Variants in ADAM12 observed in about 807,000 individuals in gnomAD.
ADAM12 encodes disintegrin and metalloproteinase domain-containing protein 12.
In ADAM12, 70 loss-of-function variants were observed where a neutral mutation model predicts 106.4. That is an observed-to-expected ratio of 0.66 (90% CI 0.54 to 0.80). ADAM12 has a LOEUF of 0.80. Among genes scored for constraint, ADAM12 ranks in the 30% least tolerant of loss-of-function variants. ADAM12 has a pLI of 0.00. For missense variants in ADAM12, 1,010 were observed against 1,171.9 expected (o/e 0.86, Z 2.02); for synonymous variants, 420 against 433.5 (o/e 0.97, Z 0.39).
intron 2 of ADAM12, among the ~76,000 whole-genome samples, chr10:126,288,773 T>C (rs1275703880): frequency 6.7e-6 from 1 of 150,250 alleles, no homozygotes; most frequent in Non-Finnish European, 1.5e-5. Context: ...GACAGGACTA[T>C]GTGGTGGTAC....
At chr10:126,331,718 A>C (rs1450276590) in intron 1 of ADAM12, among the ~76,000 whole-genome samples, 1 of 152,094 alleles carries the variant, frequency 6.6e-6, no homozygotes. Context: ...CCTCGACCGC[A>C]TGGGGAAGGA....
chr10:126,130,638 C>T (rs923075812), intron 5 of ADAM12, among the ~76,000 whole-genome samples: 1 of 152,216 alleles, frequency 6.6e-6, no homozygotes, highest in Non-Finnish European at 1.5e-5. Context: ...TCGTCACCAC[C>T]ATGCGGAAGG....
intron 1 of ADAM12, among the ~76,000 whole-genome samples, chr10:126,385,922 A>G (rs1368330361): frequency 6.6e-6 from 1 of 152,208 alleles, no homozygotes; most frequent in Non-Finnish European, 1.5e-5. Context: ...TATACCATGC[A>G]GGGATAAGGT....
intron 2 of ADAM12, among the ~76,000 whole-genome samples, chr10:126,325,457 T>TA (rs1027246847): frequency 2.3e-4 from 35 of 152,302 alleles, no homozygotes; most frequent in Non-Finnish European, 4.4e-4. Flanking sequence ...TTCTCAGCTG[T>TA]AAAAAAAGGC....
intron 2 of ADAM12, among the ~76,000 whole-genome samples, chr10:126,283,613 T>C (rs977513330): frequency 1.3e-5 from 2 of 152,190 alleles, no homozygotes; most frequent in African/African-American, 4.8e-5. Flanking sequence ...TCCTGTGAAA[T>C]ACTTGCTCAT....
At chr10:126,334,419 T>A (rs1424014710) in intron 1 of ADAM12, among the ~76,000 whole-genome samples, 1 of 152,160 alleles carries the variant, frequency 6.6e-6, no homozygotes, top group East Asian at 1.9e-4. Flanking sequence ...TTTGATAAAA[T>A]GGCCAGTTTG....
intron 4 of ADAM12, among the ~76,000 whole-genome samples, chr10:126,139,231 C>A (rs2886678): frequency 0.5 from 75,793 of 151,860 alleles, 19,380 homozygotes; most frequent in Non-Finnish European, 0.57. Context: ...TCTTTTAATA[C>A]GGTCATTTTT....
intron 1 of ADAM12, among the ~76,000 whole-genome samples, chr10:126,361,661 A>C (rs1564755629): frequency 6.6e-6 from 1 of 152,232 alleles, no homozygotes; most frequent in Non-Finnish European, 1.5e-5. Flanking sequence ...ATTTTTGACA[A>C]AGGTGCCAAG....
At chr10:126,126,811 C>T (rs1471804994) in intron 5 of ADAM12, among the ~76,000 whole-genome samples, 1 of 151,966 alleles carries the variant, frequency 6.6e-6, no homozygotes, top group Admixed American at 6.6e-5. Context: ...TGGGTGGATA[C>T]AATAGGTTAC....
rs986691937 is a variant in ADAM12, at chr10:126,338,292, G to C, written c.89-7783C>G. ...TTTTGAGACGGAGTCTCGCTCTGTC[G>C]CCCAGGCTGGAGTGCAGTGGCGGGA... On this transcript the variant is annotated intron_variant, in intron 1 of 22. Transcript: ENST00000448723. 6.7e-5 allele frequency among the ~76,000 whole-genome samples: 8 copies of C among 118,880 alleles called. No individual in the cohort carries two copies. In the East Asian group the frequency reaches 2.0e-3, roughly 30 times the overall value. 78.0% of individuals were successfully genotyped at this position (118,880 alleles called of 152,430 possible).
Position 126,049,462 on chromosome 10 carries a change from A to G in ADAM12, c.1719-11T>C. 1 of 1,614,154 alleles carries G rather than the reference A, an allele frequency of 6.2e-7. No homozygotes were observed. The highest frequency in any genetic ancestry group is 1.1e-5 in the South Asian group (1 of 91,084). Reference sequence around the variant, plus strand: ...CCACATTTAGCATCTCTGGAAGGGTAAGAACAAACAATTCCCAAGGAGAAA... The same window carrying G: ...CCACATTTAGCATCTCTGGAAGGGTGAGAACAAACAATTCCCAAGGAGAAA... On this transcript the variant is annotated splice_polypyrimidine_tract_variant and intron_variant, in intron 15 of 22. Coordinates refer to ENST00000448723, the MANE Select transcript of ADAM12 (RefSeq NM_001288973.2). This position sits in a 1 kb window ranked among gnomAD's most constrained non-coding sequence, Gnocchi z 4.4.
intron 11 of ADAM12, among the ~76,000 whole-genome samples, chr10:126,088,547 C>CAA (rs5788764): frequency 0.12 from 17,455 of 144,932 alleles, 1,659 homozygotes; most frequent in African/African-American, 0.25. Context: ...TTAAATATAC[C>CAA]AAAAAAAAAA....
At chr10:126,136,891 C>G (rs1956415255) in intron 4 of ADAM12, among the ~76,000 whole-genome samples, 1 of 152,070 alleles carries the variant, frequency 6.6e-6, no homozygotes, top group Non-Finnish European at 1.5e-5. Flanking sequence ...AATACTCTGC[C>G]TGTTATTACA....
chr10:126,039,963 T>C (rs1192488674), intron 18 of ADAM12, among the ~76,000 whole-genome samples: 1 of 152,260 alleles, frequency 6.6e-6, no homozygotes, highest in East Asian at 1.9e-4. Context: ...AGAAAACTCA[T>C]TTAAATGAAA....
At chr10:126,378,186 C>T (rs779610165) in intron 1 of ADAM12, among the ~76,000 whole-genome samples, 1 of 152,170 alleles carries the variant, frequency 6.6e-6, no homozygotes, top group Non-Finnish European at 1.5e-5. Context: ...AACCAGAGCT[C>T]TCCAATAAGT....
chr10:126,197,386 C>A (rs942355841), intron 3 of ADAM12, among the ~76,000 whole-genome samples: 1 of 152,222 alleles, frequency 6.6e-6, no homozygotes, highest in South Asian at 2.1e-4. Flanking sequence ...CAGGCTTGAG[C>A]GGAAGGGAGG....
intron 11 of ADAM12, among the ~76,000 whole-genome samples, chr10:126,081,165 A>G (rs1333762798): frequency 2.6e-5 from 4 of 152,086 alleles, no homozygotes; most frequent in Non-Finnish European, 1.5e-5. Flanking sequence ...ACACGCACTG[A>G]GTCTAGGTTC....
chr10:126,213,988 A>G (rs554450046), intron 3 of ADAM12, among the ~76,000 whole-genome samples: 121 of 152,094 alleles, frequency 8.0e-4, no homozygotes, highest in Non-Finnish European at 1.6e-3. Context: ...AAAATAACAT[A>G]CTGATTACAA....
chr10:126,292,914 T>C lies in ADAM12; in HGVS notation c.187-13926A>G, dbSNP rs181389418. ...AGGAAAGCATCAAAATCGCCTGGAG[T>C]GCTTATTACAACAGATATCATTGCG... On this transcript the variant is annotated intron_variant, in intron 2 of 22. Transcript: ENST00000448723. Among the ~76,000 whole-genome samples the C allele has an allele frequency of 9.2e-5, 14 of 152,004 alleles. No individual in the cohort carries two copies. In the East Asian group the frequency reaches 1.4e-3, roughly 15 times the overall value.
Sources: allele counts gnomAD v4.1 joint callset (sites outside exome capture counted in the v4.1 genomes callset), GRCh38; gene constraint gnomAD v4.1.1; non-coding constraint Gnocchi (gnomAD v3.1); transcripts MANE v1.5; gene names NCBI Gene and HGNC (gene_info 2026-07-23, HGNC 2026-07-21).